The following KNDC1 variants were observed in gnomAD, a reference collection of about 807,000 sequenced individuals.
KNDC1 encodes kinase non-catalytic C-lobe domain containing 1.
In KNDC1, 106 loss-of-function variants were observed where a neutral mutation model predicts 172.8. The ratio of observed to expected loss-of-function variants is 0.61; its 90% CI spans 0.52 to 0.72. The LOEUF is 0.72. Ranked by LOEUF, KNDC1 falls within the 30% of genes least tolerant of loss-of-function variation. The pLI, the probability that KNDC1 is intolerant of heterozygous loss-of-function variation, is 0.00. For missense variants in KNDC1, 2,325 were observed against 2,394.5 expected (o/e 0.97, Z 0.61); for synonymous variants, 1,083 against 1,062.2 (o/e 1.02, Z -0.38).
intron 27 of KNDC1, 26 bp downstream of exon 27, chr10:133,218,979 G>T (rs751873615): frequency 1.2e-6 from 2 of 1,613,636 alleles, no homozygotes; most frequent in Non-Finnish European, 1.7e-6. Context: ...GCCCCAAGGC[G>T]GGGGTGGGTA....
intron 3 of KNDC1, among the ~76,000 whole-genome samples, chr10:133,171,247 A>G (rs995415421): frequency 7.9e-5 from 12 of 152,106 alleles, no homozygotes; most frequent in African/African-American, 2.7e-4. Context: ...TTTTGATTCT[A>G]TTCTAAAATT....
At position 133,197,788 on chromosome 10, in the gene KNDC1, C is replaced by G. The variant is rs113336575; in HGVS notation, c.1906+20C>G. On this transcript the variant is annotated intron_variant, in intron 12 of 29. Coordinates refer to ENST00000304613, the MANE Select transcript of KNDC1 (RefSeq NM_152643.8). ...GCCCAGGTGGGGACCTGACCAGCCC[C>G]TGCTGCCCCACCAGCTCCTGCACCT... 1,540 of 1,572,474 alleles carry G rather than the reference C, an allele frequency of 9.8e-4. 9 individuals carry two copies. The African/African-American group carries it at 0.012, about 12-fold the overall frequency.
intron 3 of KNDC1, among the ~76,000 whole-genome samples, chr10:133,180,910 T>C (rs1431766729): frequency 1.3e-5 from 2 of 152,228 alleles, no homozygotes; most frequent in Admixed American, 6.5e-5. Context: ...CTCTAACAGA[T>C]TGGCAAAGCC....
intron 9 of KNDC1, among the ~76,000 whole-genome samples, chr10:133,191,628 A>G (rs1157727645): frequency 6.6e-6 from 1 of 152,054 alleles, no homozygotes; most frequent in Non-Finnish European, 1.5e-5. Context: ...TGAACCCAGG[A>G]GGCAGAGGTT....
intron 17 of KNDC1, among the ~76,000 whole-genome samples, chr10:133,205,152 GGC>G (rs1845151926): frequency 6.6e-6 from 1 of 152,170 alleles, no homozygotes; most frequent in Non-Finnish European, 1.5e-5. Flanking sequence ...CCATCCTCAG[GGC>G]GCCCCTCCTC....
At chr10:133,189,494 T>TG (rs1410153026) in intron 7 of KNDC1, 104 bp from the exon 8 acceptor site, 2 of 1,112,868 alleles carry the variant, frequency 1.8e-6, no homozygotes, top group Non-Finnish European at 2.6e-6. Flanking sequence ...ATGGGGAGGC[T>TG]GGGGGGCTGC....
chr10:133,209,915 C>T lies in KNDC1; in HGVS notation c.3795-696C>T, dbSNP rs1845321464. ...CCCAGGACAGTCCCAGACCTGCAGGCGGGGCCCTGGTCAGTGTCTCCTGAG... is the reference window on the plus strand; with the variant it reads ...CCCAGGACAGTCCCAGACCTGCAGGTGGGGCCCTGGTCAGTGTCTCCTGAG... On this transcript the variant is annotated intron_variant, in intron 20 of 29. Coordinates refer to ENST00000304613, the MANE Select transcript of KNDC1 (RefSeq NM_152643.8). The surrounding 1 kb of genome is among the most constrained non-coding windows in gnomAD (Gnocchi z 4.9). Among the ~76,000 whole-genome samples, 1 of 152,102 alleles carries T rather than the reference C, an allele frequency of 6.6e-6. No homozygotes were observed. Among genetic ancestry groups the T allele is most frequent in the African/African-American group, 2.4e-5 (1 of 41,396 alleles).
chr10:133,181,834 C>CACACACACACACACACACACACACACA lies in KNDC1; in HGVS notation c.361-1510_361-1509insACACACACACACACACACACACACACA, dbSNP rs1564881077. On this transcript the variant is annotated intron_variant, in intron 3 of 29. Transcript: ENST00000304613. ...CCAGACCAGGAAGCCCCAGGACCGT[C>CACACACACACACACACACACACACACA]CACACACACACACACACACACACAC... Among the ~76,000 whole-genome samples, 318 of 138,884 alleles carry CACACACACACACACACACACACACACA rather than the reference C, an allele frequency of 2.3e-3. 3 individuals are homozygous for CACACACACACACACACACACACACACA. Among genetic ancestry groups the CACACACACACACACACACACACACACA allele is most frequent in the Non-Finnish European group, 4.0e-3 (250 of 61,752 alleles). The allele number at this position is 138,884 out of a possible 152,430, so 91.1% of individuals were successfully genotyped here. A position where few individuals can be genotyped will look rare whatever the true frequency, so the allele number is the denominator to read the frequency against.
chr10:133,198,330 TC>T lies in KNDC1; in HGVS notation c.1907-3del. The T allele has an allele frequency of 6.4e-7, 1 of 1,562,692 alleles. No individual in the cohort carries two copies. On this transcript the variant is annotated splice_polypyrimidine_tract_variant and splice_region_variant and intron_variant, in intron 12 of 29. Coordinates refer to ENST00000304613, the MANE Select transcript of KNDC1 (RefSeq NM_152643.8). ...CCGCCCACACCCTCAGCCCCCTGGC[TC>T]CCCAGGCTTCCTGCCGGTGAACAGC...
At chr10:133,177,810 T>C (rs1853590578) in intron 3 of KNDC1, among the ~76,000 whole-genome samples, 1 of 152,102 alleles carries the variant, frequency 6.6e-6, no homozygotes, top group African/African-American at 2.4e-5. Context: ...CTATGGTGTG[T>C]GCATGTTTGT....
Position 133,186,227 on chromosome 10 carries a change from C to G in KNDC1, c.879C>G (p.Asp293Glu). Residue 293 changes from aspartate to glutamate, a missense_variant, in exon 6 of 30, where the codon GAC (aspartate) becomes GAG (glutamate). Coordinates refer to ENST00000304613, the MANE Select transcript of KNDC1 (RefSeq NM_152643.8). ...CCGAGCGCACCCTCGGGGAGCTGGACAGAGACGCCCTCAGGAGAAGCCGCC... is the reference window on the plus strand; with the variant it reads ...CCGAGCGCACCCTCGGGGAGCTGGAGAGAGACGCCCTCAGGAGAAGCCGCC... ...LDAERTLGEL[D>E]RDALRRSRLR... 6.3e-7 allele frequency: 1 copy of G among 1,586,538 alleles called. No homozygotes were observed. Among genetic ancestry groups the G allele is most frequent in the Non-Finnish European group, 8.6e-7 (1 of 1,167,168 alleles).
chr10:133,183,510 G>T lies in KNDC1; in HGVS notation c.507+20G>T, dbSNP rs1461705351. On this transcript the variant is annotated intron_variant, in intron 4 of 29. Transcript: ENST00000304613. The stretch of plus-strand genomic sequence containing the variant: ...CTTGAGGTAAGCGAGGCTGCCCTGG[G>T]CCACCCCAGGCTGTGACCCTGACCC... The T allele has an allele frequency of 5.7e-6, 9 of 1,585,790 alleles. No homozygotes were observed. Among genetic ancestry groups the T allele is most frequent in the Non-Finnish European group, 7.7e-6 (9 of 1,169,578 alleles).
chr10:133,186,354 T>C lies in KNDC1; in HGVS notation c.1006T>C (p.Leu336=). The change falls in exon 6 of 30, where the codon TTA becomes CTA. Residue 336 remains leucine (L), a synonymous_variant. Coordinates refer to ENST00000304613, the MANE Select transcript of KNDC1 (RefSeq NM_152643.8). ...GAAAAGCCAGCTGCCCATATCGGAA[T>C]TATTCTCTCCGGACCCCAGGAAGGC... ...RGKSQLPISE[L]FSPDPRKAFL... is the part of the protein sequence containing the mutation. 1 of 1,612,698 alleles carries C rather than the reference T, an allele frequency of 6.2e-7. No homozygotes were observed. Among genetic ancestry groups the C allele is most frequent in the Non-Finnish European group, 8.5e-7 (1 of 1,179,942 alleles).
chr10:133,210,701 C>T lies in KNDC1; in HGVS notation c.3885C>T (p.Asp1295=). 3.1e-6 allele frequency: 5 copies of T among 1,613,714 alleles called. No individual in the cohort carries two copies. Among genetic ancestry groups the T allele is most frequent in the Non-Finnish European group, 3.4e-6 (4 of 1,179,566 alleles). The part of the protein sequence containing the change: ...TPHDFLHFLL[D]RINSTLTRAH... ...ACGACTTCCTGCACTTCCTCCTCGA[C>T]CGCATCAACAGCACGCTGACCAGGT... Residue 1295 remains aspartate, a synonymous_variant, in exon 21 of 30, where the codon GAC becomes GAT. Transcript: ENST00000304613.
At chr10:133,215,060 G>A (rs573703521) in intron 26 of KNDC1, among the ~76,000 whole-genome samples, 3 of 152,206 alleles carry the variant, frequency 2.0e-5, no homozygotes, top group East Asian at 1.9e-4. Context: ...CTTGGCTGTC[G>A]TGGGCTGGGG....
At chr10:133,201,998 GCCC>G (rs1854388808) in intron 17 of KNDC1, 100 bp downstream of exon 17, 7 of 1,326,246 alleles carry the variant, frequency 5.3e-6, no homozygotes, top group Admixed American at 2.0e-5. Flanking sequence ...TGTGCCCAGA[GCCC>G]CCAACAGGGT....
chr10:133,172,349 T>C (rs1187771674), intron 3 of KNDC1, among the ~76,000 whole-genome samples: 1 of 152,264 alleles, frequency 6.6e-6, no homozygotes, highest in East Asian at 1.9e-4. Context: ...AATTTTTTCT[T>C]AAGATTTTCA....
In KNDC1 at chr10:133,218,349, C is replaced by T. The variant is rs538842078; in HGVS notation, c.4678-482C>T. On this transcript the variant is annotated intron_variant, in intron 26 of 29. Transcript: ENST00000304613. ...GTCGTCACCGCCAGCCACAGAGCCCCGGAGGAGGGGGCGGCACTCAGGCAC... is the reference window on the plus strand; with the variant it reads ...GTCGTCACCGCCAGCCACAGAGCCCTGGAGGAGGGGGCGGCACTCAGGCAC... Among the ~76,000 whole-genome samples, 90 of 152,340 alleles carry T rather than the reference C, an allele frequency of 5.9e-4. 1 individual carries two copies. The highest frequency in any genetic ancestry group is 1.7e-3 in the South Asian group (8 of 4,824).
chr10:133,199,030 GC>G lies in KNDC1; in HGVS notation c.2524del (p.Gln842ArgfsTer76). 6.3e-7 allele frequency: 1 copy of G among 1,578,056 alleles called. No homozygotes were observed. On this transcript the variant is annotated frameshift_variant, in exon 14 of 30. Coordinates refer to ENST00000304613, the MANE Select transcript of KNDC1 (RefSeq NM_152643.8). LOFTEE classifies it high-confidence loss of function. ...PPRSKATERP[G>X]QEPEGPGATP... ...CGAAGCAAGGCCACCGAGCGCCCGG[GC>G]CAGGAGCCAGAGGGCCCCGGGGCCA...
Sources: gnomAD v4.1 joint callset for allele counts (sites outside exome capture counted in the v4.1 genomes callset) on GRCh38, gnomAD v4.1.1 for gene constraint, Gnocchi (gnomAD v3.1) non-coding constraint, MANE v1.5 for transcripts, NCBI Gene and HGNC (gene_info 2026-07-23, HGNC 2026-07-21) for gene names.